The following UBL3 variants were observed in gnomAD, a reference collection of about 807,000 sequenced individuals.
UBL3 encodes ubiquitin-like protein 3.
UBL3 carries 6 observed loss-of-function variants against 18.4 expected under a neutral mutation model. The ratio of observed to expected loss-of-function variants is 0.33; its 90% CI spans 0.18 to 0.64. The LOEUF (loss-of-function observed/expected upper bound fraction) is 0.64, where lower values mean the gene tolerates loss of function less well. Ranked by LOEUF, UBL3 falls within the 30% of genes least tolerant of loss-of-function variation. The pLI is 0.76. For missense variants in UBL3, 109 were observed against 142.9 expected, an observed-to-expected ratio of 0.76 and a Z score of 1.21; for synonymous variants, 49 against 46.6, an observed-to-expected ratio of 1.05 and a Z score of -0.21.
intron 1 of UBL3, 116 bp downstream of exon 1, chr13:29,849,396 G>T: frequency 7.0e-7 from 1 of 1,420,262 alleles, no homozygotes; most frequent in Non-Finnish European, 9.8e-7. Flanking sequence ...AAATCGCTCA[G>T]CACAGTGGCT....
chr13:29,767,544 C>T (rs893757790), intron 4 of UBL3, 74 bp downstream of exon 4: 2 of 1,517,164 alleles, frequency 1.3e-6, no homozygotes, highest in East Asian at 2.3e-5. Flanking sequence ...CTCAGCATAT[C>T]CAAGAAAAAC....
At chr13:29,823,265 C>T (rs1175294439) in intron 1 of UBL3, among the ~76,000 whole-genome samples, 1 of 152,182 alleles carries the variant, frequency 6.6e-6, no homozygotes, top group Non-Finnish European at 1.5e-5. Flanking sequence ...GCCTCAGCCT[C>T]CCAAGTAGGT....
chr13:29,829,044 T>C (rs915876364), intron 1 of UBL3, among the ~76,000 whole-genome samples: 15 of 152,182 alleles, frequency 9.9e-5, no homozygotes, highest in African/African-American at 3.6e-4. Context: ...AAGCTTCGTC[T>C]CAGAGGGGTA....
chr13:29,824,789 T>C (rs1247438789), intron 1 of UBL3, among the ~76,000 whole-genome samples: 1 of 152,244 alleles, frequency 6.6e-6, no homozygotes, highest in Non-Finnish European at 1.5e-5. Context: ...CCCATGCCTA[T>C]GTCCTGAATG....
chr13:29,835,107 A>AATATATATATATATATATATAAATATAT (rs777840058), intron 1 of UBL3, among the ~76,000 whole-genome samples: 1 of 23,796 alleles, frequency 4.2e-5, no homozygotes, highest in Non-Finnish European at 7.1e-5. Flanking sequence ...TATATATATA[A>AATATATATATATATATATATAAATATAT]ATATATATAT....
chr13:29,841,857 C>G (rs921742417), intron 1 of UBL3, among the ~76,000 whole-genome samples: 1 of 152,194 alleles, frequency 6.6e-6, no homozygotes, highest in South Asian at 2.1e-4. Flanking sequence ...GATAATCAGA[C>G]TGTGATATCT....
chr13:29,834,507 G>T (rs964875915), intron 1 of UBL3, among the ~76,000 whole-genome samples: 8 of 151,954 alleles, frequency 5.3e-5, no homozygotes, highest in Non-Finnish European at 1.0e-4. Context: ...AAGTACTTAA[G>T]TCCTATTAAA....
chr13:29,772,154 T>C lies in UBL3; in HGVS notation c.181A>G (p.Ile61Val). ...QVSSPNILRL[I>V]YQGRFLHGNV... ...CCATGTAGAAATCGTCCTTGATAAA[T>C]AAGTCGTAGAATATTTGGACTGCTG... is the stretch of plus-strand genomic sequence containing the variant. The change falls in exon 3 of 5, where the codon ATT becomes GTT. Residue 61 changes from isoleucine (I) to valine (V), a missense_variant. Physicochemically the swap from Ile to Val is conservative, Grantham distance 29 (BLOSUM62 3). Coordinates refer to ENST00000380680, the MANE Select transcript of UBL3 (RefSeq NM_007106.4). 1 of 1,612,124 alleles carries C rather than the reference T, an allele frequency of 6.2e-7. No homozygotes were observed. The highest frequency in any genetic ancestry group is 8.5e-7 in the Non-Finnish European group (1 of 1,178,740).
chr13:29,798,324 C>T (rs1877669732), intron 1 of UBL3, among the ~76,000 whole-genome samples: 1 of 152,106 alleles, frequency 6.6e-6, no homozygotes, highest in Admixed American at 6.5e-5. Context: ...CCGCGCCCGA[C>T]CCTAAACATC....
chr13:29,786,371 G>C (rs1877318256), intron 1 of UBL3, among the ~76,000 whole-genome samples: 3 of 152,068 alleles, frequency 2.0e-5, no homozygotes, highest in South Asian at 4.1e-4. Flanking sequence ...AGAATGCTTT[G>C]CACTCCTCAC....
chr13:29,827,995 T>A (rs1350717857), intron 1 of UBL3, among the ~76,000 whole-genome samples: 3 of 152,234 alleles, frequency 2.0e-5, no homozygotes, highest in Non-Finnish European at 4.4e-5. Context: ...TTTAAGAATG[T>A]TGAATATTGG....
At chr13:29,848,018 C>T (rs1330555458) in intron 1 of UBL3, among the ~76,000 whole-genome samples, 2 of 152,092 alleles carry the variant, frequency 1.3e-5, no homozygotes, top group African/African-American at 4.8e-5. Context: ...CCTTTGCATT[C>T]AATGGGAAAT....
chr13:29,773,214 A>T (rs1876891259), intron 2 of UBL3, among the ~76,000 whole-genome samples: 1 of 152,182 alleles, frequency 6.6e-6, no homozygotes, highest in African/African-American at 2.4e-5. Flanking sequence ...TGACTATTCA[A>T]AATGATGAAT....
At chr13:29,788,987 C>A (rs1348088409) in intron 1 of UBL3, among the ~76,000 whole-genome samples, 1 of 151,984 alleles carries the variant, frequency 6.6e-6, no homozygotes, top group Non-Finnish European at 1.5e-5. Context: ...GCAACCTCCA[C>A]CTCCTGGGCT....
intron 1 of UBL3, 63 bp downstream of exon 1, chr13:29,849,449 T>C: frequency 4.3e-6 from 7 of 1,611,930 alleles, no homozygotes; most frequent in East Asian, 2.2e-5. Context: ...GCCTGCCGTC[T>C]TTCCGATTAA....
rs1876726621 is a variant in UBL3 at position 29,767,668 on chromosome 13, G to A, written c.251C>T (p.Thr84Ile). ...GALKLPFGKT[T>I]VMHLVARETL... ...CTCTCTGGCCACCAAATGCATCACT[G>A]TTGTTTTGCCAAAAGGAAGTTTTAA... is the stretch of plus-strand genomic sequence containing the variant. The change falls in exon 4 of 5, where the codon ACA becomes ATA. Residue 84 changes from threonine to isoleucine, a missense_variant. Physicochemically the swap from Thr to Ile is moderately conservative, Grantham distance 89. Transcript: ENST00000380680. The A allele has an allele frequency of 1.2e-6, 2 of 1,612,774 alleles. No individual in the cohort carries two copies. Among genetic ancestry groups the A allele is most frequent in the Admixed American group, 3.3e-5 (2 of 59,904 alleles).
intron 1 of UBL3, among the ~76,000 whole-genome samples, chr13:29,829,778 G>A (rs1207816173): frequency 3.9e-5 from 6 of 152,144 alleles, no homozygotes; most frequent in African/African-American, 4.8e-5. Context: ...CTTCTGCGTC[G>A]CTCAGGCTGG....
At chr13:29,797,986 T>G in intron 1 of UBL3, among the ~76,000 whole-genome samples, 1 of 149,564 alleles carries the variant, frequency 6.7e-6, no homozygotes, top group East Asian at 1.9e-4. Flanking sequence ...ATTACCCAGT[T>G]TTTCACAATG....
chr13:29,829,597 C>T (rs1261896455), intron 1 of UBL3, among the ~76,000 whole-genome samples: 1 of 152,196 alleles, frequency 6.6e-6, no homozygotes, highest in Non-Finnish European at 1.5e-5. Flanking sequence ...CACAGCTTCC[C>T]TTGGCTAGGA....
Sources: gnomAD v4.1 joint callset for allele counts (sites outside exome capture counted in the v4.1 genomes callset) on GRCh38, gnomAD v4.1.1 for gene constraint, MANE v1.5 for transcripts, NCBI Gene and HGNC (gene_info 2026-07-23, HGNC 2026-07-21) for gene names.